Variants in ARL15 observed in about 807,000 individuals in gnomAD.
ARL15 encodes the protein ADP-ribosylation factor-like protein 15.
In ARL15, 19 loss-of-function variants were observed where a neutral mutation model predicts 25.2. The observed-to-expected ratio is 0.75, with a 90% CI of 0.53 to 1.10. The LOEUF is 1.10. Ranked by LOEUF, ARL15 falls within the 50% of genes least tolerant of loss-of-function variation. The probability of loss-of-function intolerance (pLI) is 0.00; values close to 1 mark genes in which losing one functional copy is unlikely to be tolerated. For missense variants in ARL15, 220 were observed against 246.0 expected (o/e 0.89, Z 0.71); for synonymous variants, 94 against 86.8 (o/e 1.08, Z -0.46).
intron 2 of ARL15, among the ~76,000 whole-genome samples, chr5:54,164,136 G>A (rs112653233): frequency 0.029 from 4,432 of 151,780 alleles, 216 homozygotes; most frequent in African/African-American, 0.1. Flanking sequence ...TTGATTCGTG[G>A]GTCATTTAGA....
chr5:54,268,299 C>A (rs1235203227), intron 1 of ARL15, among the ~76,000 whole-genome samples: 1 of 152,132 alleles, frequency 6.6e-6, no homozygotes, highest in East Asian at 1.9e-4. Flanking sequence ...AGTTCTCGAG[C>A]CTTGGCTTTC....
intron 4 of ARL15, among the ~76,000 whole-genome samples, chr5:54,039,565 C>T (rs902981366): frequency 2.0e-5 from 3 of 151,640 alleles, no homozygotes; most frequent in Non-Finnish European, 4.4e-5. Context: ...TTTAGGAGGC[C>T]GAGGCAGGTG....
In ARL15 at chr5:54,049,179, G is replaced by A. The variant is rs1402391456; in HGVS notation, c.462+64023C>T. Among the ~76,000 whole-genome samples the A allele has an allele frequency of 6.6e-5, 10 of 152,074 alleles. 1 individual carries two copies. The South Asian group carries it at 1.0e-3, about 16-fold the overall frequency. Reference sequence around the variant, plus strand: ...AAAAGTAACTGCCTATAATGTCTACGTGTATACCTAAGATATGGACATAGA... The same window carrying A: ...AAAAGTAACTGCCTATAATGTCTACATGTATACCTAAGATATGGACATAGA... On this transcript the variant is annotated intron_variant, in intron 4 of 4. Transcript: ENST00000504924.
At chr5:54,014,694 T>C (rs1749355672) in intron 4 of ARL15, among the ~76,000 whole-genome samples, 1 of 152,002 alleles carries the variant, frequency 6.6e-6, no homozygotes, top group Non-Finnish European at 1.5e-5. Flanking sequence ...CTAGATTTTT[T>C]TTTGTAATTT....
chr5:54,250,704 G>T (rs922176322), intron 1 of ARL15, among the ~76,000 whole-genome samples: 12 of 152,100 alleles, frequency 7.9e-5, no homozygotes, highest in African/African-American at 2.9e-4. Flanking sequence ...GTGACAAAGG[G>T]CCATTGAAGA....
intron 4 of ARL15, among the ~76,000 whole-genome samples, chr5:54,028,466 T>C (rs1355438708): frequency 2.7e-5 from 4 of 149,644 alleles, no homozygotes; most frequent in Admixed American, 1.3e-4. Context: ...TAATTCACCA[T>C]CAAGGGGGTG....
chr5:54,014,414 A>G (rs1749345314), intron 4 of ARL15, among the ~76,000 whole-genome samples: 1 of 152,174 alleles, frequency 6.6e-6, no homozygotes, highest in Non-Finnish European at 1.5e-5. Context: ...TTACAAGTTA[A>G]TCTCTGTTCT....
intron 1 of ARL15, among the ~76,000 whole-genome samples, chr5:54,236,326 G>A (rs1019149443): frequency 3.9e-5 from 6 of 152,106 alleles, no homozygotes; most frequent in African/African-American, 1.2e-4. Flanking sequence ...ATACAGCCTG[G>A]TGGGTACAGG....
rs189289096 is a variant in ARL15, at chr5:54,131,729, C to A, written c.254-18319G>T. 1.6e-3 allele frequency among the ~76,000 whole-genome samples: 247 copies of A among 152,288 alleles called. 1 individual carries two copies. The highest frequency in any genetic ancestry group is 8.0e-3 in the Admixed American group (122 of 15,304). ...ACTATACTAGGTGCAGAGGATACCACATTAGTGTGGCTACACTATCACCAG... is the reference window on the plus strand; with the variant it reads ...ACTATACTAGGTGCAGAGGATACCAAATTAGTGTGGCTACACTATCACCAG... On this transcript the variant is annotated intron_variant, in intron 3 of 4. Coordinates refer to ENST00000504924, the MANE Select transcript of ARL15 (RefSeq NM_019087.3).
At chr5:54,124,287 G>A (rs561596923) in intron 3 of ARL15, among the ~76,000 whole-genome samples, 2 of 152,234 alleles carry the variant, frequency 1.3e-5, no homozygotes, top group Admixed American at 6.5e-5. Context: ...TAGACAGGTC[G>A]AAACAGTTAT....
At chr5:54,254,972 A>T (rs1757327292) in intron 1 of ARL15, among the ~76,000 whole-genome samples, 1 of 152,172 alleles carries the variant, frequency 6.6e-6, no homozygotes, top group African/African-American at 2.4e-5. Flanking sequence ...TCCTCACTCC[A>T]GTCCCGTTGT....
chr5:54,248,088 C>T (rs1757140369), intron 1 of ARL15, among the ~76,000 whole-genome samples: 1 of 152,020 alleles, frequency 6.6e-6, no homozygotes, highest in Admixed American at 6.6e-5. Context: ...TCTTAATACA[C>T]CATCAAAAAT....
At chr5:54,098,699 C>A (rs1752355668) in intron 4 of ARL15, among the ~76,000 whole-genome samples, 1 of 152,172 alleles carries the variant, frequency 6.6e-6, no homozygotes, top group Non-Finnish European at 1.5e-5. Flanking sequence ...GTTTCCTCCT[C>A]TTCTGCCCTG....
chr5:53,905,414 A>T (rs908513653), intron 4 of ARL15, among the ~76,000 whole-genome samples: 1 of 152,194 alleles, frequency 6.6e-6, no homozygotes, highest in Non-Finnish European at 1.5e-5. Flanking sequence ...ATTAAATATA[A>T]TATTAGTTAA....
chr5:54,099,026 T>G (rs1752363630), intron 4 of ARL15, among the ~76,000 whole-genome samples: 1 of 152,074 alleles, frequency 6.6e-6, no homozygotes, highest in East Asian at 1.9e-4. Context: ...GAAACAACAA[T>G]CTGTCAATCA....
chr5:54,074,252 AAAG>A (rs1751517465), intron 4 of ARL15, among the ~76,000 whole-genome samples: 1 of 152,196 alleles, frequency 6.6e-6, no homozygotes. Flanking sequence ...AGCCTCATCT[AAAG>A]AAGGAGGATG....
intron 1 of ARL15, among the ~76,000 whole-genome samples, chr5:54,252,169 C>T (rs1321620009): frequency 6.6e-6 from 1 of 152,084 alleles, no homozygotes; most frequent in African/African-American, 2.4e-5. Context: ...CCAAACTAAG[C>T]AGGTGGCAAT....
intron 4 of ARL15, among the ~76,000 whole-genome samples, chr5:53,997,994 G>A (rs1326347427): frequency 1.3e-5 from 2 of 151,890 alleles, no homozygotes; most frequent in Non-Finnish European, 2.9e-5. Flanking sequence ...ACCAAGAAAA[G>A]AGAAAATGTG....
intron 4 of ARL15, among the ~76,000 whole-genome samples, chr5:54,043,757 A>G (rs156823): frequency 0.35 from 52,794 of 151,878 alleles, 11,288 homozygotes; most frequent in Admixed American, 0.47. Flanking sequence ...TTTATAAACA[A>G]TGACCATGAA....
Sources: gnomAD v4.1 joint callset for allele counts (sites outside exome capture counted in the v4.1 genomes callset) on GRCh38, gnomAD v4.1.1 for gene constraint, MANE v1.5 for transcripts, NCBI Gene and HGNC (gene_info 2026-07-23, HGNC 2026-07-21) for gene names.